The following KLC1 variants were observed in gnomAD, a reference collection of about 807,000 sequenced individuals.
KLC1 encodes kinesin 2 60/70kDa.
KLC1 carries 30 observed loss-of-function variants against 84.2 expected under a neutral mutation model. That is an observed-to-expected ratio of 0.36 (90% confidence interval 0.27 to 0.48). The LOEUF (loss-of-function observed/expected upper bound fraction) is 0.48. Ranked by LOEUF, KLC1 falls within the 20% of genes least tolerant of loss-of-function variation. The pLI is 0.99. For synonymous variants in KLC1, 289 were observed against 293.3 expected (o/e 0.99, Z 0.15); for missense variants, 499 against 805.4 (o/e 0.62, Z 4.60).
At chr14:103,681,711 C>T (rs189905249) in intron 13 of KLC1, among the ~76,000 whole-genome samples, 1 of 152,266 alleles carries the variant, frequency 6.6e-6, no homozygotes, top group Admixed American at 6.5e-5. Flanking sequence ...CCCGCCTCGG[C>T]CTCCCAAAGT....
intron 1 of KLC1, among the ~76,000 whole-genome samples, chr14:103,631,114 T>G (rs2076645487): frequency 6.6e-6 from 1 of 151,638 alleles, no homozygotes; most frequent in African/African-American, 2.4e-5. Context: ...GGAGTCTCGC[T>G]CTGTCGCCCG....
intron 1 of KLC1, among the ~76,000 whole-genome samples, chr14:103,632,652 C>T (rs1235155006): frequency 1.3e-5 from 2 of 151,692 alleles, no homozygotes; most frequent in African/African-American, 4.8e-5. Flanking sequence ...ACTGGGGAGG[C>T]AGAGGTTGCA....
intron 1 of KLC1, among the ~76,000 whole-genome samples, chr14:103,642,552 A>G (rs2077571831): frequency 6.6e-6 from 1 of 152,186 alleles, no homozygotes; most frequent in Non-Finnish European, 1.5e-5. Flanking sequence ...AAAACAAATC[A>G]GAACTCTTTG....
chr14:103,697,096 G>C, intron 15 of KLC1: 1 of 985,440 alleles, frequency 1.0e-6, no homozygotes, highest in Non-Finnish European at 1.2e-6. Flanking sequence ...GCCTAGAAAA[G>C]CATTTGGAAT....
At chr14:103,643,698 C>G (rs1185525949) in intron 1 of KLC1, among the ~76,000 whole-genome samples, 1 of 152,076 alleles carries the variant, frequency 6.6e-6, no homozygotes, top group Non-Finnish European at 1.5e-5. Context: ...AAGGCCAAGG[C>G]AGGCAGATCA....
rs2082228471 is a variant in KLC1 at position 103,693,368 on chromosome 14, G to A, written c.1848+943G>A. Among the ~76,000 whole-genome samples, 2 of 152,102 alleles carry A rather than the reference G, an allele frequency of 1.3e-5. No individual in the cohort carries two copies. The highest frequency in any genetic ancestry group is 2.9e-5 in the Non-Finnish European group (2 of 67,998). ...AAGTCTCTTCATTTTACAGGGTCCT[G>A]TAGCTGACCCAGTGTTTGCCCTCCA... On this transcript the variant is annotated intron_variant, in intron 15 of 16. Coordinates refer to ENST00000334553, the MANE Select transcript of KLC1 (RefSeq NM_001394837.1). The surrounding 1 kb of genome is among the most constrained non-coding windows in gnomAD (Gnocchi z 5.1).
intron 1 of KLC1, among the ~76,000 whole-genome samples, chr14:103,640,878 T>C (rs1486399859): frequency 1.3e-5 from 2 of 152,242 alleles, no homozygotes; most frequent in East Asian, 3.9e-4. Context: ...CTGTGATACA[T>C]TTGTGACAAC....
At chr14:103,697,698 G>T in intron 15 of KLC1, 1 of 152,242 alleles carries the variant, frequency 6.6e-6, no homozygotes. Context: ...GGTGGAGGGG[G>T]TTGTACGGTG....
At chr14:103,685,887 T>G (rs1567038005) in intron 13 of KLC1, 1 of 1,140,622 alleles carries the variant, frequency 8.8e-7, no homozygotes, top group Non-Finnish European at 1.1e-6. Flanking sequence ...AAAATCCATT[T>G]ACTGTGTAAT....
At chr14:103,656,154 T>C (rs1285689005) in intron 2 of KLC1, among the ~76,000 whole-genome samples, 1 of 152,170 alleles carries the variant, frequency 6.6e-6, no homozygotes, top group Non-Finnish European at 1.5e-5. Context: ...TGAAGGCTGC[T>C]GCTTTGATGA....
chr14:103,645,949 A>G (rs989995209), intron 1 of KLC1, among the ~76,000 whole-genome samples: 6 of 151,784 alleles, frequency 4.0e-5, no homozygotes, highest in Non-Finnish European at 8.8e-5. Flanking sequence ...TAGTAGAGAC[A>G]GGGTTTCATC....
intron 4 of KLC1, 122 bp downstream of exon 4, chr14:103,662,316 A>G (rs1219416189): frequency 2.4e-6 from 2 of 822,706 alleles, no homozygotes; most frequent in Admixed American, 3.8e-5. Flanking sequence ...AAGCACCACC[A>G]GAGCGGGGTT....
intron 13 of KLC1, chr14:103,685,114 C>A (rs2081676687): frequency 3.3e-6 from 5 of 1,503,160 alleles, no homozygotes; most frequent in Non-Finnish European, 4.5e-6. Flanking sequence ...CCTGGCAGGA[C>A]CCAGGACGCA....
chr14:103,694,575 A>G lies in KLC1; in HGVS notation c.1848+2150A>G. 3 of 985,502 alleles carry G rather than the reference A, an allele frequency of 3.0e-6. No individual in the cohort carries two copies. The highest frequency in any genetic ancestry group is 3.6e-6 in the Non-Finnish European group (3 of 829,946). 61.0% of individuals were successfully genotyped at this position (985,502 alleles called of 1,614,324 possible). ...CGTCCACAAACTAGTCCATAGGTAAAGAGCATACAAAACAGACGCCGAGGT... is the reference window on the plus strand; with the variant it reads ...CGTCCACAAACTAGTCCATAGGTAAGGAGCATACAAAACAGACGCCGAGGT... On this transcript the variant is annotated intron_variant, in intron 15 of 16. Coordinates refer to ENST00000334553, the MANE Select transcript of KLC1 (RefSeq NM_001394837.1). The surrounding 1 kb of genome is among the most constrained non-coding windows in gnomAD (Gnocchi z 4.5).
intron 1 of KLC1, among the ~76,000 whole-genome samples, chr14:103,651,090 A>C (rs962627965): frequency 1.3e-5 from 2 of 151,458 alleles, no homozygotes; most frequent in Non-Finnish European, 2.9e-5. Flanking sequence ...GCTCACTGCA[A>C]CCTCCACCTC....
intron 2 of KLC1, among the ~76,000 whole-genome samples, chr14:103,656,272 C>T (rs1031056367): frequency 6.6e-5 from 10 of 152,160 alleles, no homozygotes; most frequent in African/African-American, 2.4e-4. Flanking sequence ...GGTCCTTAAG[C>T]CTAAGGAAGG....
At position 103,696,631 on chromosome 14, in the gene KLC1, TGGGGCCAGCAGGCTGCGTGTGCAGC is replaced by T. The variant is rs1451168675; in HGVS notation, c.1849-4014_1849-3990del. Reference sequence around the variant, plus strand: ...CTTACCAGCTCTGACCGTGTCTTGCTGGGGCCAGCAGGCTGCGTGTGCAGCGGGGCCAGCTGTCTCAGGGCTGATA... The same window carrying T: ...CTTACCAGCTCTGACCGTGTCTTGCTGGGGCCAGCTGTCTCAGGGCTGATA... On this transcript the variant is annotated intron_variant, in intron 15 of 16. Transcript: ENST00000334553. The T allele has an allele frequency of 1.4e-5, 14 of 985,414 alleles. No homozygotes were observed. In the African/African-American group the frequency reaches 2.4e-4, roughly 17 times the overall value. The allele number at this position is 985,414 out of a possible 1,614,324, so 61.0% of individuals were successfully genotyped here.
intron 2 of KLC1, among the ~76,000 whole-genome samples, chr14:103,656,678 A>G (rs1787432231): frequency 1.3e-5 from 2 of 152,186 alleles, no homozygotes; most frequent in Admixed American, 1.3e-4. Context: ...TTATTTCTCA[A>G]GTTCTGTTAC....
At chr14:103,671,040 A>G (rs1405554549) in intron 7 of KLC1, among the ~76,000 whole-genome samples, 1 of 152,130 alleles carries the variant, frequency 6.6e-6, no homozygotes, top group Non-Finnish European at 1.5e-5. Context: ...TGAAGAAGAC[A>G]TGTCTGAGGA....
Sources: gnomAD v4.1 joint callset for allele counts (sites outside exome capture counted in the v4.1 genomes callset) on GRCh38, gnomAD v4.1.1 for gene constraint, Gnocchi (gnomAD v3.1) non-coding constraint, MANE v1.5 for transcripts, NCBI Gene and HGNC (gene_info 2026-07-23, HGNC 2026-07-21) for gene names.